The following KAZN variants were observed in gnomAD, a reference collection of about 807,000 sequenced individuals.
KAZN encodes kazrin, periplakin interacting protein.
KAZN carries 40 observed loss-of-function variants against 87.4 expected under a neutral mutation model. That is an observed-to-expected ratio of 0.46 (90% confidence interval 0.36 to 0.60). The LOEUF (loss-of-function observed/expected upper bound fraction) is 0.60, where lower values mean the gene tolerates loss of function less well. Ranked by LOEUF, KAZN falls within the 20% of genes least tolerant of loss-of-function variation. The probability of loss-of-function intolerance (pLI) is 0.00; values close to 1 mark genes in which losing one functional copy is unlikely to be tolerated. For missense variants in KAZN, 898 were observed against 1,073.9 expected (o/e 0.84, Z 2.29); for synonymous variants, 466 against 458.3 (o/e 1.02, Z -0.22).
chr1:14,411,631 T>G (rs1664310003), intron 2 of KAZN, among the ~76,000 whole-genome samples: 1 of 152,160 alleles, frequency 6.6e-6, no homozygotes, highest in African/African-American at 2.4e-5. Flanking sequence ...AATAGAAGCT[T>G]GCTGAAAGAG....
At chr1:14,044,488 A>G (rs564235638) in intron 1 of KAZN, among the ~76,000 whole-genome samples, 12 of 152,258 alleles carry the variant, frequency 7.9e-5, no homozygotes, top group African/African-American at 2.9e-4. Flanking sequence ...AATAATACCT[A>G]CTATGGGATA....
chr1:14,238,808 T>C (rs1029962201), intron 2 of KAZN, among the ~76,000 whole-genome samples: 10 of 152,372 alleles, frequency 6.6e-5, no homozygotes, highest in Admixed American at 2.6e-4. Context: ...AGCACTGACG[T>C]GTGTTTGCAT....
intron 2 of KAZN, among the ~76,000 whole-genome samples, chr1:14,205,711 C>T (rs1451856510): frequency 2.0e-5 from 3 of 151,308 alleles, no homozygotes; most frequent in Non-Finnish European, 1.5e-5. Context: ...GGTGAAACCC[C>T]GTGTCTACAA....
intron 1 of KAZN, among the ~76,000 whole-genome samples, chr1:13,943,623 T>C (rs1641023847): frequency 6.6e-6 from 1 of 151,910 alleles, no homozygotes; most frequent in Non-Finnish European, 1.5e-5. Flanking sequence ...AGAAACATGA[T>C]CCCAGAAGGA....
intron 1 of KAZN, among the ~76,000 whole-genome samples, chr1:14,038,256 G>T (rs1390921391): frequency 1.3e-5 from 2 of 152,202 alleles, no homozygotes; most frequent in African/African-American, 4.8e-5. Context: ...TGGGGGTCTG[G>T]GTGGGGCAGG....
At chr1:14,464,101 C>T (rs773631961) in intron 2 of KAZN, among the ~76,000 whole-genome samples, 1 of 152,196 alleles carries the variant, frequency 6.6e-6, no homozygotes, top group Non-Finnish European at 1.5e-5. Context: ...ACCTGTGCTC[C>T]GGGATCTTTC....
At chr1:14,590,039 G>A (rs942123415) in intron 2 of KAZN, among the ~76,000 whole-genome samples, 14 of 152,008 alleles carry the variant, frequency 9.2e-5, no homozygotes, top group African/African-American at 3.4e-4. Context: ...AGATGCCTGA[G>A]TTTCATCTTA....
chr1:14,526,958 T>G (rs1480256347), intron 2 of KAZN, among the ~76,000 whole-genome samples: 1 of 152,222 alleles, frequency 6.6e-6, no homozygotes, highest in South Asian at 2.1e-4. Flanking sequence ...TAGCATCTGA[T>G]TTGCCTATGC....
chr1:13,953,015 A>G (rs927299983), intron 1 of KAZN, among the ~76,000 whole-genome samples: 1 of 152,170 alleles, frequency 6.6e-6, no homozygotes, highest in Non-Finnish European at 1.5e-5. Context: ...TGATCAACAG[A>G]ATGGGCTGCC....
intron 1 of KAZN, among the ~76,000 whole-genome samples, chr1:14,052,003 G>T (rs181178128): frequency 6.6e-6 from 1 of 152,206 alleles, no homozygotes; most frequent in Non-Finnish European, 1.5e-5. Context: ...TAAACTTTGG[G>T]TATGGCAGTG....
chr1:14,202,279 C>T (rs1236663506), intron 2 of KAZN, among the ~76,000 whole-genome samples: 1 of 152,186 alleles, frequency 6.6e-6, no homozygotes, highest in Non-Finnish European at 1.5e-5. Context: ...GACACACGTG[C>T]GTTCTGCTAC....
intron 1 of KAZN, among the ~76,000 whole-genome samples, chr1:14,055,408 A>G (rs1182997411): frequency 6.6e-6 from 1 of 152,170 alleles, no homozygotes; most frequent in African/African-American, 2.4e-5. Flanking sequence ...TGCATGATAT[A>G]TGTGTTGGGA....
intron 2 of KAZN, among the ~76,000 whole-genome samples, chr1:14,965,007 T>C (rs1664288006): frequency 6.6e-6 from 1 of 152,114 alleles, no homozygotes; most frequent in African/African-American, 2.4e-5. Context: ...GCCTGAATGA[T>C]TGTTTAAGAC....
intron 1 of KAZN, among the ~76,000 whole-genome samples, chr1:14,141,384 A>G (rs1186010381): frequency 6.6e-6 from 1 of 151,732 alleles, no homozygotes; most frequent in Non-Finnish European, 1.5e-5. Flanking sequence ...CCCGACGCCC[A>G]CCTGTTGACA....
chr1:14,214,241 C>CTGTCTTTA (rs1553145799), intron 2 of KAZN, among the ~76,000 whole-genome samples: 34 of 151,936 alleles, frequency 2.2e-4, no homozygotes, highest in Non-Finnish European at 4.0e-4. Context: ...CTCCGGCTTT[C>CTGTCTTTA]TTTGGAGTGT....
At chr1:14,070,567 A>G (rs1461735523) in intron 1 of KAZN, among the ~76,000 whole-genome samples, 1 of 152,200 alleles carries the variant, frequency 6.6e-6, no homozygotes, top group Non-Finnish European at 1.5e-5. Context: ...AAAAAAAGTC[A>G]TTTCTACAGT....
intron 1 of KAZN, among the ~76,000 whole-genome samples, chr1:14,723,388 A>C (rs1643217070): frequency 6.6e-6 from 1 of 152,146 alleles, no homozygotes; most frequent in Non-Finnish European, 1.5e-5. Context: ...AGGAGTGCCA[A>C]GATATCAAAG....
chr1:15,085,607 C>T (rs540084303), intron 8 of KAZN, among the ~76,000 whole-genome samples: 2 of 152,294 alleles, frequency 1.3e-5, no homozygotes, highest in African/African-American at 4.8e-5. Flanking sequence ...GGATTACAGG[C>T]GTGAGCCACC....
At chr1:14,571,114 T>A (rs977864155) in intron 2 of KAZN, among the ~76,000 whole-genome samples, 1 of 152,230 alleles carries the variant, frequency 6.6e-6, no homozygotes, top group African/African-American at 2.4e-5. Flanking sequence ...ACAAAAACCC[T>A]TCACTATATT....
Sources: allele counts gnomAD v4.1 joint callset (sites outside exome capture counted in the v4.1 genomes callset), GRCh38; gene constraint gnomAD v4.1.1; transcripts MANE v1.5; gene names NCBI Gene and HGNC (gene_info 2026-07-23, HGNC 2026-07-21).